Variants in HRNR observed in about 807,000 individuals in gnomAD.
HRNR encodes filaggrin family member 3.
HRNR carries 7 observed loss-of-function variants against 4.8 expected under a neutral mutation model. That is an observed-to-expected ratio of 1.47 (90% CI 0.83 to 2.75). The LOEUF is 2.75. Ranked by LOEUF, HRNR falls within the 30% of genes most tolerant of loss-of-function variation. The pLI is 0.00. For synonymous variants in HRNR, 1,023 were observed against 1,242.7 expected (o/e 0.82, Z 3.72); for missense variants, 2,879 against 3,010.4 (o/e 0.96, Z 1.02).
rs186602563 is a variant in HRNR, at chr1:152,219,050, C to T, written c.2579G>A (p.Ser860Asn). The change falls in exon 3 of 3, where the codon AGC (serine) becomes AAC (asparagine). Residue 860 changes from serine to asparagine, a missense_variant. Coordinates refer to ENST00000368801, the MANE Select transcript of HRNR (RefSeq NM_001009931.3). ...ACCATAGCTGGAAGATTGACCTGAG[C>T]TAGAGTCATGTTGGCCGGAGCTTGA... The part of the protein sequence containing the change: ...QSSSSGQHDS[S>N]SGQSSSYGQH... 1.2e-6 allele frequency: 2 copies of T among 1,613,746 alleles called. No individual in the cohort carries two copies. Among genetic ancestry groups the T allele is most frequent in the Non-Finnish European group, 1.7e-6 (2 of 1,179,962 alleles).
At chr1:152,221,586 G>C in intron 2 of HRNR, 96 bp from the exon 3 acceptor site, 1 of 982,508 alleles carries the variant, frequency 1.0e-6, no homozygotes, top group South Asian at 1.6e-5. Flanking sequence ...TAAATGTTTG[G>C]GTTATTTATA....
rs1307124677 is a variant in HRNR, at chr1:152,219,036, A to G, written c.2593T>C (p.Ser865Pro). 6.2e-7 allele frequency: 1 copy of G among 1,613,750 alleles called. No homozygotes were observed. The highest frequency in any genetic ancestry group is 1.1e-5 in the South Asian group (1 of 91,060). ...GQHDSSSGQS[S>P]SYGQHESASH... Reference sequence around the variant, plus strand: ...GCAGACTCATGCTGACCATAGCTGGAAGATTGACCTGAGCTAGAGTCATGT... The same window carrying G: ...GCAGACTCATGCTGACCATAGCTGGGAGATTGACCTGAGCTAGAGTCATGT... Residue 865 changes from serine (S) to proline (P), a missense_variant, in exon 3 of 3, where the codon TCC (serine) becomes CCC (proline). Around this residue, in one of 8 missense-constraint regions of HRNR, gnomAD observed 2,646 missense variants for 1,377.7 expected, o/e 1.92. Transcript: ENST00000368801.
rs561351096 is a variant in HRNR at position 152,212,892 on chromosome 1, T to C, written c.*184A>G. On this transcript the variant is annotated 3_prime_UTR_variant, in exon 3 of 3. Transcript: ENST00000368801. Reference sequence around the variant, plus strand: ...AAGTAGCACAAATGCCTAACAGTCTTTGGAAGGAACCCCATAACAAGATAT... The same window carrying C: ...AAGTAGCACAAATGCCTAACAGTCTCTGGAAGGAACCCCATAACAAGATAT... 30 of 793,388 alleles carry C rather than the reference T, an allele frequency of 3.8e-5. No homozygotes were observed. The highest frequency in any genetic ancestry group is 5.4e-5 in the Non-Finnish European group (28 of 514,684). 49.1% of individuals were successfully genotyped at this position (793,388 alleles called of 1,614,324 possible). A position where few individuals can be genotyped will look rare whatever the true frequency, so the allele number is the denominator to read the frequency against.
In HRNR at chr1:152,219,228, A is replaced by T. The variant is rs868723089; in HGVS notation, c.2401T>A (p.Ser801Thr). Reference sequence around the variant, plus strand: ...GACTCATAATGGCCACAGCTGGAAGAACAACTTGTGCCAGACCCGTGTTGG... The same window carrying T: ...GACTCATAATGGCCACAGCTGGAAGTACAACTTGTGCCAGACCCGTGTTGG... Reference protein sequence around the residue: ...HGQHGSGTSCSSSCGHYESGS... With the variant: ...HGQHGSGTSCTSSCGHYESGS... Residue 801 changes from serine (S) to threonine (T), a missense_variant, in exon 3 of 3, where the codon TCT becomes ACT. Transcript: ENST00000368801. The T allele has an allele frequency of 6.8e-6, 11 of 1,613,786 alleles. 1 individual carries two copies. The Middle Eastern group carries it at 1.7e-3, about 242-fold the overall frequency.
Position 152,212,375 on chromosome 1 carries a change from T to A in HRNR, c.*701A>T, listed in dbSNP as rs1172740460. On this transcript the variant is annotated 3_prime_UTR_variant, in exon 3 of 3. Transcript: ENST00000368801. ...CTGAAAACAAGCTAAAGCCCACATT[T>A]GAATGTTTTTTTTTTTCCTGAAATG... The A allele has an allele frequency of 1.3e-5, 2 of 152,156 alleles. No homozygotes were observed. Among genetic ancestry groups the A allele is most frequent in the Non-Finnish European group, 2.9e-5 (2 of 68,084 alleles). The allele number at this position is 152,156 out of a possible 1,614,324, so 9.4% of individuals were successfully genotyped here.
At position 152,223,097 on chromosome 1, in the gene HRNR, C is replaced by T. The variant is rs2101598422; in HGVS notation, c.138+19G>A. ...GAAGAAAATTCCTGCATAACTCCAT[C>T]CTGGCGTGGAGTTCTTACCTTCAGA... On this transcript the variant is annotated intron_variant, in intron 2 of 2. Coordinates refer to ENST00000368801, the MANE Select transcript of HRNR (RefSeq NM_001009931.3). 3 of 1,610,354 alleles carry T rather than the reference C, an allele frequency of 1.9e-6. No individual in the cohort carries two copies. The African/African-American group carries it at 4.0e-5, about 21-fold the overall frequency.
At position 152,219,148 on chromosome 1, in the gene HRNR, G is replaced by C; in HGVS notation, c.2481C>G (p.Gly827=). ...CTGAGGCAGAACCATGCTGACTATA[G>C]CCCTGTCCTGAGCCAGACTCGTGTT... ...FGQHESGSGQ[G]YSQHGSASGH... The change falls in exon 3 of 3, where the codon GGC becomes GGG. Residue 827 remains glycine, a synonymous_variant. Coordinates refer to ENST00000368801, the MANE Select transcript of HRNR (RefSeq NM_001009931.3). 6.2e-7 allele frequency: 1 copy of C among 1,613,466 alleles called. No individual in the cohort carries two copies. Among genetic ancestry groups the C allele is most frequent in the Non-Finnish European group, 8.5e-7 (1 of 1,179,958 alleles).
Position 152,219,003 on chromosome 1 carries a change from G to A in HRNR, c.2626C>T (p.His876Tyr), listed in dbSNP as rs1397693171. The part of the protein sequence containing the change: ...SYGQHESASH[H>Y]ASGRGRHGSG... ...CCATGTCGGCCGCGGCCCGAAGCGT[G>A]ATGGGAGGCAGACTCATGCTGACCA... The change falls in exon 3 of 3, where the codon CAC (histidine) becomes TAC (tyrosine). Residue 876 changes from histidine (H) to tyrosine (Y), a missense_variant. By Grantham distance (83) the His-to-Tyr change is moderately conservative. Transcript: ENST00000368801. 23 of 1,614,010 alleles carry A rather than the reference G, an allele frequency of 1.4e-5. No homozygotes were observed. Among genetic ancestry groups the A allele is most frequent in the Non-Finnish European group, 1.9e-5 (22 of 1,179,996 alleles).
Position 152,220,640 on chromosome 1 carries a change from C to A in HRNR, c.989G>T (p.Ser330Ile). ...SSHGQHGSGS[S>I]YSYSRGHYES... ...ATAATGGCCACGGCTGTAAGAGTAACTTGAGCCAGACCCGTGTTGGCCGTG... is the reference window on the plus strand; with the variant it reads ...ATAATGGCCACGGCTGTAAGAGTAAATTGAGCCAGACCCGTGTTGGCCGTG... Residue 330 changes from serine (S) to isoleucine (I), a missense_variant, in exon 3 of 3, where the codon AGT (serine) becomes ATT (isoleucine). This residue lies in a region of HRNR where 2,646 missense variants were observed against 1,377.7 expected (regional missense o/e 1.92). Coordinates refer to ENST00000368801, the MANE Select transcript of HRNR (RefSeq NM_001009931.3). The A allele has an allele frequency of 6.2e-7, 1 of 1,612,484 alleles. No homozygotes were observed. The highest frequency in any genetic ancestry group is 8.5e-7 in the Non-Finnish European group (1 of 1,179,036).
In HRNR at chr1:152,218,478, C is replaced by T. The variant is rs6659183; in HGVS notation, c.3151G>A (p.Gly1051Ser). 2.1e-3 allele frequency: 3,362 copies of T among 1,613,730 alleles called. 73 individuals carry two copies. In the African/African-American group the frequency reaches 0.04, roughly 19 times the overall value. ...TGTCCTGAGCGAGACTCTCGGTGAC[C>T]TAAGCCAGAAGAGTGACCGGAGCCA... ...ESGSGHSSGL[G>S]HRESRSGQSS... The change falls in exon 3 of 3, where the codon GGT (glycine) becomes AGT (serine). Residue 1051 changes from glycine to serine, a missense_variant. Physicochemically the swap from Gly to Ser is moderately conservative, Grantham distance 56. Around this residue, in one of 8 missense-constraint regions of HRNR, gnomAD observed 2,646 missense variants for 1,377.7 expected, o/e 1.92. Coordinates refer to ENST00000368801, the MANE Select transcript of HRNR (RefSeq NM_001009931.3).
chr1:152,219,997 G>T lies in HRNR; in HGVS notation c.1632C>A (p.Ser544Arg), dbSNP rs764868382. ...GSGSGQSPSP[S>R]RGRHESGSRQ... ...TGGAACCAGACTCATGTCGGCCACGGCTAGGGCTAGGAGACTGGCCAGATC... is the reference window on the plus strand; with the variant it reads ...TGGAACCAGACTCATGTCGGCCACGTCTAGGGCTAGGAGACTGGCCAGATC... Residue 544 changes from serine to arginine, a missense_variant, in exon 3 of 3, where the codon AGC becomes AGA. Around this residue, in one of 8 missense-constraint regions of HRNR, gnomAD observed 2,646 missense variants for 1,377.7 expected, o/e 1.92. Coordinates refer to ENST00000368801, the MANE Select transcript of HRNR (RefSeq NM_001009931.3). 11 of 1,613,792 alleles carry T rather than the reference G, an allele frequency of 6.8e-6. No individual in the cohort carries two copies. Among genetic ancestry groups the T allele is most frequent in the African/African-American group, 1.3e-5 (1 of 74,824 alleles).
rs773868367 is a variant in HRNR, at chr1:152,219,334, G to A, written c.2295C>T (p.His765=). ...GGCCAGATCCAGACCCTTGTCGGCC[G>A]TGGCCCGAAGATTGATGGGAGCCCG... The part of the protein sequence containing the change: ...HGSGSHQSSG[H]GRQGSGSGHS... Residue 765 remains histidine, a synonymous_variant, in exon 3 of 3, where the codon CAC becomes CAT. Coordinates refer to ENST00000368801, the MANE Select transcript of HRNR (RefSeq NM_001009931.3). 19 of 1,612,580 alleles carry A rather than the reference G, an allele frequency of 1.2e-5. No homozygotes were observed. Among genetic ancestry groups the A allele is most frequent in the South Asian group, 3.3e-5 (3 of 91,012 alleles).
rs1326219396 is a variant in HRNR, at chr1:152,220,517, G to A, written c.1112C>T (p.Ser371Phe). Residue 371 changes from serine to phenylalanine, a missense_variant, in exon 3 of 3, where the codon TCC becomes TTC. By Grantham distance (155) the Ser-to-Phe change is radical. This residue lies in a region of HRNR where 2,646 missense variants were observed against 1,377.7 expected (regional missense o/e 1.92). Transcript: ENST00000368801. ...AGATCCATGTTGTCCCTGGCTAGAG[G>A]AGTGACCTGAGCCAGAACCATGCTT... is the stretch of plus-strand genomic sequence containing the variant. ...YSKHGSGSGH[S>F]SSQGQHGSTS... 1.9e-6 allele frequency: 3 copies of A among 1,612,168 alleles called. No individual in the cohort carries two copies. The highest frequency in any genetic ancestry group is 2.2e-5 in the East Asian group (1 of 44,790).
rs745646325 is a variant in HRNR at position 152,219,782 on chromosome 1, G to A, written c.1847C>T (p.Thr616Ile). The stretch of plus-strand genomic sequence containing the variant: ...GCCACAGCTCGATGACTGTCCTGAT[G>A]TAGAACCATGTTGCCCATGGGTAGA... ...HSSTHGQHGS[T>I]SGQSSSCGQH... The change falls in exon 3 of 3, where the codon ACA (threonine) becomes ATA (isoleucine). Residue 616 changes from threonine (T) to isoleucine (I), a missense_variant. Coordinates refer to ENST00000368801, the MANE Select transcript of HRNR (RefSeq NM_001009931.3). The A allele has an allele frequency of 5.0e-6, 8 of 1,612,432 alleles. No individual in the cohort carries two copies. Among genetic ancestry groups the A allele is most frequent in the East Asian group, 2.2e-5 (1 of 44,764 alleles).
In HRNR at chr1:152,219,861, G is replaced by A. The variant is rs200265662; in HGVS notation, c.1768C>T (p.Arg590Cys). The A allele has an allele frequency of 1.9e-5, 30 of 1,613,392 alleles. No homozygotes were observed. Among genetic ancestry groups the A allele is most frequent in the Non-Finnish European group, 2.5e-5 (29 of 1,179,914 alleles). The change falls in exon 3 of 3, where the codon CGC (arginine) becomes TGC (cysteine). Residue 590 changes from arginine (R) to cysteine (C), a missense_variant. Around this residue, in one of 8 missense-constraint regions of HRNR, gnomAD observed 2,646 missense variants for 1,377.7 expected, o/e 1.92. Transcript: ENST00000368801. Reference sequence around the variant, plus strand: ...CCGTAGCCAGAGGACTGTCCTGAGCGAGACTCTTGGTGACCTAAGCCAGAA... The same window carrying A: ...CCGTAGCCAGAGGACTGTCCTGAGCAAGACTCTTGGTGACCTAAGCCAGAA... Reference protein sequence around the residue: ...HSSGLGHQESRSGQSSGYGQH... With the variant: ...HSSGLGHQESCSGQSSGYGQH...
rs1446961430 is a variant in HRNR, at chr1:152,220,562, C to T, written c.1067G>A (p.Gly356Glu). The T allele has an allele frequency of 3.7e-6, 6 of 1,608,418 alleles. No individual in the cohort carries two copies. The South Asian group carries it at 4.4e-5, about 12-fold the overall frequency. The change falls in exon 3 of 3, where the codon GGA (glycine) becomes GAA (glutamate). Residue 356 changes from glycine to glutamate, a missense_variant. By Grantham distance (98) the Gly-to-Glu change is moderately conservative. Coordinates refer to ENST00000368801, the MANE Select transcript of HRNR (RefSeq NM_001009931.3). ...SGFGQHESGS[G>E]QSSGYSKHGS... is the part of the protein sequence containing the mutation. ...ATGCTTACTATAGCCAGAGGACTGT[C>T]CTGAGCCAGACTCATGTTGCCCAAA...
intron 2 of HRNR, among the ~76,000 whole-genome samples, chr1:152,222,643 T>A (rs1209057488): frequency 1.3e-5 from 2 of 152,192 alleles, no homozygotes; most frequent in African/African-American, 2.4e-5. Flanking sequence ...ATATCTGACA[T>A]CTGATATCTG....
In HRNR at chr1:152,221,317, GTCA is replaced by G. The variant is rs1461015735; in HGVS notation, c.309_311del (p.Asp104del). 6.2e-7 allele frequency: 1 copy of G among 1,613,974 alleles called. No homozygotes were observed. ...CTTGTTCCTCTTGGTGCTGGTGAGT[GTCA>G]TCTCTCAGCTTTGACCCTGAAACTT... On this transcript the variant is annotated inframe_deletion, in exon 3 of 3. Transcript: ENST00000368801.
chr1:152,223,350 A>G (rs1268032082), intron 1 of HRNR, 72 bp from the exon 2 acceptor site: 1 of 874,978 alleles, frequency 1.1e-6, no homozygotes, highest in Non-Finnish European at 1.7e-6. Flanking sequence ...AATAGTTCTA[A>G]TTATTTATAA....
Sources: allele counts gnomAD v4.1 joint callset (sites outside exome capture counted in the v4.1 genomes callset), GRCh38; gene constraint gnomAD v4.1.1; regional missense constraint gnomAD v4.1.1; transcripts MANE v1.5; gene names NCBI Gene and HGNC (gene_info 2026-07-23, HGNC 2026-07-21).